The following PRKDC variants were observed in gnomAD, a reference collection of about 807,000 sequenced individuals.
PRKDC encodes protein kinase, DNA-activated, catalytic subunit.
PRKDC carries 82 observed loss-of-function variants against 486.9 expected under a neutral mutation model. The observed-to-expected ratio is 0.17, with a 90% CI of 0.14 to 0.20. PRKDC has a LOEUF of 0.20. Among genes scored for constraint, PRKDC ranks in the 10% least tolerant of loss-of-function variants. PRKDC has a pLI of 1.00. For missense variants in PRKDC, 4,504 were observed against 5,038.2 expected (o/e 0.89, Z 3.21); for synonymous variants, 1,895 against 1,837.0 (o/e 1.03, Z -0.81).
intron 63 of PRKDC, among the ~76,000 whole-genome samples, chr8:47,826,276 G>A (rs138069364): frequency 7.8e-4 from 119 of 152,310 alleles, no homozygotes; most frequent in African/African-American, 2.5e-3. Flanking sequence ...AAAATCTTGA[G>A]TCCTGCTGAA....
At chr8:47,786,773 A>G (rs2086798996) in intron 76 of PRKDC, among the ~76,000 whole-genome samples, 1 of 107,460 alleles carries the variant, frequency 9.3e-6, no homozygotes, top group South Asian at 3.3e-4. Context: ...TCTGTCACCC[A>G]GGCTAGAGTG....
At position 47,918,353 on chromosome 8, in the gene PRKDC, G is replaced by C. The variant is rs765915429; in HGVS notation, c.2450C>G (p.Ala817Gly). 5.0e-6 allele frequency: 8 copies of C among 1,590,978 alleles called. No homozygotes were observed. The East Asian group carries it at 1.3e-4, about 27-fold the overall frequency. The change falls in exon 22 of 86, where the codon GCT becomes GGT. Residue 817 changes from alanine (A) to glycine (G), a missense_variant. Coordinates refer to ENST00000314191, the MANE Select transcript of PRKDC (RefSeq NM_006904.7). ...TCCTTTCTGGGCAGCCCGAGAAAGAGCTGACACTTCCCAGTTATTCTTGGT... is the reference window on the plus strand; with the variant it reads ...TCCTTTCTGGGCAGCCCGAGAAAGACCTGACACTTCCCAGTTATTCTTGGT... ...DETKNNWEVS[A>G]LSRAAQKGFN... is the part of the protein sequence containing the mutation.
rs770759399 is a variant in PRKDC, at chr8:47,929,855, C to T, written c.2050G>A (p.Glu684Lys). 20 of 1,595,840 alleles carry T rather than the reference C, an allele frequency of 1.3e-5. No individual in the cohort carries two copies. The highest frequency in any genetic ancestry group is 1.6e-5 in the Non-Finnish European group (19 of 1,175,492). Reference sequence around the variant, plus strand: ...AACATCCTGCAAGAAAGACTCACCTCGAAATATTTTATTTTCTTGGCATTT... The same window carrying T: ...AACATCCTGCAAGAAAGACTCACCTTGAAATATTTTATTTTCTTGGCATTT... ...VRNAKKIKYF[E>K]GVSPKSLKHS... The change falls in exon 18 of 86, where the codon GAG becomes AAG. Residue 684 changes from glutamate to lysine, a missense_variant and splice_region_variant. This residue lies in a region of PRKDC where 1,969 missense variants were observed against 2,068.9 expected (regional missense o/e 0.95). Transcript: ENST00000314191.
intron 40 of PRKDC, among the ~76,000 whole-genome samples, chr8:47,869,440 C>A (rs2088895558): frequency 6.6e-6 from 1 of 151,584 alleles, no homozygotes; most frequent in African/African-American, 2.4e-5. Context: ...AACCTGCTGC[C>A]TTGAAGGGAA....
Position 47,882,033 on chromosome 8 carries a change from T to C in PRKDC, c.4841A>G (p.Gln1614Arg). 1.2e-6 allele frequency: 2 copies of C among 1,614,056 alleles called. No individual in the cohort carries two copies. The highest frequency in any genetic ancestry group is 8.5e-7 in the Non-Finnish European group (1 of 1,179,884). Residue 1614 changes from glutamine (Q) to arginine (R), a missense_variant, in exon 37 of 86, where the codon CAA becomes CGA. Coordinates refer to ENST00000314191, the MANE Select transcript of PRKDC (RefSeq NM_006904.7). ...AATTGTAGTCGCAAGTTTCAGTCCT[T>C]GGTGTTTCTGGTTTGCTCGCTCCCT... ...SFRERANQKH[Q>R]GLKLATTILQ...
rs1244452617 is a variant in PRKDC at position 47,933,871 on chromosome 8, GTAAAATATAA to G, written c.1623+84_1623+93del. The G allele has an allele frequency of 6.1e-6, 8 of 1,315,088 alleles. No individual in the cohort carries two copies. In the East Asian group the frequency reaches 2.1e-4, roughly 34 times the overall value. The allele number at this position is 1,315,088 out of a possible 1,614,324, so 81.5% of individuals were successfully genotyped here. The stretch of plus-strand genomic sequence containing the variant: ...CACTGTTTTAAACTTTTGAAAGTTA[GTAAAATATAA>G]TTCTGAAATAAGTCTTATGTCTAAA... On this transcript the variant is annotated intron_variant, in intron 15 of 85. Coordinates refer to ENST00000314191, the MANE Select transcript of PRKDC (RefSeq NM_006904.7).
chr8:47,881,246 A>G (rs1004767895), intron 38 of PRKDC, among the ~76,000 whole-genome samples, 170 bp downstream of exon 38: 1 of 152,132 alleles, frequency 6.6e-6, no homozygotes, highest in Non-Finnish European at 1.5e-5. Context: ...ACACACCCAC[A>G]CAGGATGGTT....
Position 47,857,267 on chromosome 8 carries a change from G to A in PRKDC, c.6498C>T (p.Ser2166=). 2 of 1,613,552 alleles carry A rather than the reference G, an allele frequency of 1.2e-6. No homozygotes were observed. The highest frequency in any genetic ancestry group is 1.7e-6 in the Non-Finnish European group (2 of 1,179,686). ...CAGAAGCAGCCAGCTGCAGCAAGGG[G>A]CTAAGCCAGTGCTTCGCGTAAGGGC... ...VFRPYAKHWL[S]PLLQLAASEN... The change falls in exon 49 of 86, where the codon AGC becomes AGT. Residue 2166 remains serine (S), a synonymous_variant. Coordinates refer to ENST00000314191, the MANE Select transcript of PRKDC (RefSeq NM_006904.7).
intron 76 of PRKDC, 89 bp from the exon 77 acceptor site, chr8:47,785,406 G>A: frequency 9.9e-7 from 1 of 1,005,530 alleles, no homozygotes; most frequent in Non-Finnish European, 1.5e-6. Flanking sequence ...TGAATGGAGT[G>A]CTCAATGGTA....
Position 47,918,369 on chromosome 8 carries a change from T to C in PRKDC, c.2434A>G (p.Asn812Asp), listed in dbSNP as rs201074176. 1.3e-6 allele frequency: 2 copies of C among 1,581,986 alleles called. No individual in the cohort carries two copies. Among genetic ancestry groups the C allele is most frequent in the South Asian group, 1.2e-5 (1 of 85,292 alleles). The change falls in exon 22 of 86, where the codon AAC (asparagine) becomes GAC (aspartate). Residue 812 changes from asparagine (N) to aspartate (D), a missense_variant. Physicochemically the swap from Asn to Asp is conservative, Grantham distance 23. Coordinates refer to ENST00000314191, the MANE Select transcript of PRKDC (RefSeq NM_006904.7). ...CGAGAAAGAGCTGACACTTCCCAGT[T>C]ATTCTTGGTCTCATCTATCAATAGT... is the stretch of plus-strand genomic sequence containing the variant. ...TSALSDETKN[N>D]WEVSALSRAA...
Position 47,798,218 on chromosome 8 carries a change from G to A in PRKDC, c.10458+19C>T. On this transcript the variant is annotated intron_variant, in intron 73 of 85. Coordinates refer to ENST00000314191, the MANE Select transcript of PRKDC (RefSeq NM_006904.7). ...GTTCTGTAAAGTTCCTTACCGCCAA[G>A]TAGAATAAAGACACCAACCTCTTTT... 1 of 1,601,700 alleles carries A rather than the reference G, an allele frequency of 6.2e-7. No homozygotes were observed. Among genetic ancestry groups the A allele is most frequent in the Non-Finnish European group, 8.5e-7 (1 of 1,176,338 alleles).
chr8:47,955,234 G>T (rs1023509942), intron 4 of PRKDC, among the ~76,000 whole-genome samples: 5 of 149,304 alleles, frequency 3.3e-5, no homozygotes, highest in African/African-American at 1.2e-4. Flanking sequence ...AGGCCGAGGC[G>T]GGCGGATCAC....
intron 68 of PRKDC, among the ~76,000 whole-genome samples, chr8:47,810,392 C>T (rs969048458): frequency 1.3e-5 from 2 of 152,080 alleles, no homozygotes; most frequent in Non-Finnish European, 1.5e-5. Context: ...TACAAATTTA[C>T]AAATTAAGCT....
chr8:47,957,550 G>T, intron 1 of PRKDC, 119 bp from the exon 2 acceptor site: 2 of 841,714 alleles, frequency 2.4e-6, no homozygotes, highest in East Asian at 2.9e-5. Flanking sequence ...TCGCTCTGTC[G>T]CCCAGGCTGG....
intron 68 of PRKDC, among the ~76,000 whole-genome samples, chr8:47,807,816 A>G (rs2087248196): frequency 6.8e-6 from 1 of 147,668 alleles, no homozygotes; most frequent in African/African-American, 2.5e-5. Context: ...TCTGGGTTCA[A>G]GCGATTCTCC....
At chr8:47,914,491 C>A (rs1267035806) in intron 23 of PRKDC, among the ~76,000 whole-genome samples, 3 of 152,042 alleles carry the variant, frequency 2.0e-5, no homozygotes, top group African/African-American at 7.2e-5. Flanking sequence ...TTTTACTAAT[C>A]AAAAATGTAG....
intron 7 of PRKDC, among the ~76,000 whole-genome samples, chr8:47,948,317 C>A (rs1042251048): frequency 6.6e-6 from 1 of 150,958 alleles, no homozygotes; most frequent in Non-Finnish European, 1.5e-5. Context: ...ACCACGTTGG[C>A]CAGGATGGTC....
chr8:47,812,256 C>A (rs2087345454), intron 68 of PRKDC, among the ~76,000 whole-genome samples: 1 of 152,130 alleles, frequency 6.6e-6, no homozygotes, highest in African/African-American at 2.4e-5. Flanking sequence ...CATGGAAGAT[C>A]TGAAAAGTAT....
At position 47,936,450 on chromosome 8, in the gene PRKDC, T is replaced by C. The variant is rs2090353803; in HGVS notation, c.1181A>G (p.Gln394Arg). Residue 394 changes from glutamine (Q) to arginine (R), a missense_variant, in exon 12 of 86, where the codon CAG (glutamine) becomes CGG (arginine). By Grantham distance (43) the Gln-to-Arg change is conservative. Coordinates refer to ENST00000314191, the MANE Select transcript of PRKDC (RefSeq NM_006904.7). ...AGTGTCTGTCTGGGTGAGGAACATCTGCTTGCAGCGCTGAATGAGCTCAAC... is the reference window on the plus strand; with the variant it reads ...AGTGTCTGTCTGGGTGAGGAACATCCGCTTGCAGCGCTGAATGAGCTCAAC... ...MYVELIQRCK[Q>R]MFLTQTDTGD... 40 of 1,614,084 alleles carry C rather than the reference T, an allele frequency of 2.5e-5. No individual in the cohort carries two copies. Among genetic ancestry groups the C allele is most frequent in the Non-Finnish European group, 3.3e-5 (39 of 1,179,906 alleles).
Sources: gnomAD v4.1 joint callset for allele counts (sites outside exome capture counted in the v4.1 genomes callset) on GRCh38, gnomAD v4.1.1 for gene constraint, gnomAD v4.1.1 regional missense constraint, MANE v1.5 for transcripts, NCBI Gene and HGNC (gene_info 2026-07-23, HGNC 2026-07-21) for gene names.